ZFPM2: variants seen among roughly 807,000 people sequenced by gnomAD.
The protein encoded by ZFPM2 is zinc finger protein, FOG family member 2, also known as zinc finger protein ZFPM2.
ZFPM2 carries 20 observed loss-of-function variants against 98.6 expected under a neutral mutation model. That is an observed-to-expected ratio of 0.20 (90% CI 0.14 to 0.29). The LOEUF (loss-of-function observed/expected upper bound fraction) is 0.29. Ranked by LOEUF, ZFPM2 falls within the 10% of genes least tolerant of loss-of-function variation. ZFPM2 has a pLI of 1.00. For missense variants in ZFPM2, 1,310 were observed against 1,388.6 expected, an observed-to-expected ratio of 0.94 and a Z score of 0.90; for synonymous variants, 518 against 502.7, an observed-to-expected ratio of 1.03 and a Z score of -0.41.
chr8:105,420,667 T>A (rs1423132597), intron 2 of ZFPM2, among the ~76,000 whole-genome samples: 1 of 152,176 alleles, frequency 6.6e-6, no homozygotes, highest in African/African-American at 2.4e-5. Flanking sequence ...GCTAGAACCA[T>A]TAAATTGATG....
At chr8:105,437,986 T>C (rs1366756959) in intron 2 of ZFPM2, among the ~76,000 whole-genome samples, 3 of 152,140 alleles carry the variant, frequency 2.0e-5, no homozygotes, top group African/African-American at 7.2e-5. Flanking sequence ...GAGGTTGCAG[T>C]GAGCCGAGAT....
chr8:105,651,504 T>G (rs1817175284), intron 5 of ZFPM2, among the ~76,000 whole-genome samples: 1 of 151,826 alleles, frequency 6.6e-6, no homozygotes, highest in Non-Finnish European at 1.5e-5. Context: ...CTTGCTTGCT[T>G]ATATCTACCC....
At chr8:105,403,830 G>A (rs568773699) in intron 1 of ZFPM2, among the ~76,000 whole-genome samples, 2 of 152,146 alleles carry the variant, frequency 1.3e-5, no homozygotes, top group South Asian at 4.1e-4. Flanking sequence ...CGTCTAGCGT[G>A]ATTCCTGGCC....
At chr8:105,622,907 A>T (rs1397506479) in intron 4 of ZFPM2, among the ~76,000 whole-genome samples, 1 of 152,168 alleles carries the variant, frequency 6.6e-6, no homozygotes, top group Non-Finnish European at 1.5e-5. Flanking sequence ...CCAAATATAC[A>T]GTTTTTCTTT....
intron 1 of ZFPM2, among the ~76,000 whole-genome samples, chr8:105,403,376 G>T (rs1811377688): frequency 6.6e-6 from 1 of 151,866 alleles, no homozygotes; most frequent in Non-Finnish European, 1.5e-5. Flanking sequence ...TTCTCATGCT[G>T]TTTGTCATAA....
intron 4 of ZFPM2, among the ~76,000 whole-genome samples, chr8:105,618,155 A>G (rs1816459362): frequency 6.6e-6 from 1 of 152,196 alleles, no homozygotes; most frequent in South Asian, 2.1e-4. Context: ...AGAAACTGCT[A>G]ACCACTGACT....
At chr8:105,526,540 T>C (rs1814178000) in intron 3 of ZFPM2, among the ~76,000 whole-genome samples, 1 of 152,180 alleles carries the variant, frequency 6.6e-6, no homozygotes, top group Non-Finnish European at 1.5e-5. Context: ...GCCTCTTTGA[T>C]TTTTTAAATT....
intron 6 of ZFPM2, among the ~76,000 whole-genome samples, chr8:105,793,044 G>T (rs1016652597): frequency 4.8e-5 from 7 of 145,392 alleles, no homozygotes; most frequent in Admixed American, 4.7e-4. Context: ...TATCCAATTT[G>T]CCAGTCTGTG....
chr8:105,551,194 A>G (rs1271288629), intron 3 of ZFPM2, among the ~76,000 whole-genome samples: 1 of 152,218 alleles, frequency 6.6e-6, no homozygotes, highest in African/African-American at 2.4e-5. Context: ...GCCACACTGT[A>G]AGAGAATTTA....
At chr8:105,789,040 C>T in intron 6 of ZFPM2, 116 bp downstream of exon 6, 3 of 770,014 alleles carry the variant, frequency 3.9e-6, no homozygotes, top group Non-Finnish European at 5.8e-6. Flanking sequence ...GTTGTGGTTT[C>T]ATTTTATCTT....
chr8:105,694,916 T>C (rs1028592180), intron 5 of ZFPM2, among the ~76,000 whole-genome samples: 23 of 152,318 alleles, frequency 1.5e-4, no homozygotes, highest in East Asian at 5.8e-4. Context: ...ATGACTGTTA[T>C]TGAGAATTGA....
chr8:105,584,613 A>ATGTGTT (rs373990155), intron 4 of ZFPM2, among the ~76,000 whole-genome samples: 3 of 152,304 alleles, frequency 2.0e-5, no homozygotes, highest in African/African-American at 7.2e-5. Context: ...ATAAGTCTTT[A>ATGTGTT]TGTGTTTGTG....
At chr8:105,692,930 A>G (rs1450046909) in intron 5 of ZFPM2, among the ~76,000 whole-genome samples, 1 of 152,204 alleles carries the variant, frequency 6.6e-6, no homozygotes, top group Non-Finnish European at 1.5e-5. Flanking sequence ...CAGAGCAATG[A>G]CATTTTTTAA....
chr8:105,799,053 CTA>C, intron 7 of ZFPM2, 105 bp downstream of exon 7: 1 of 1,063,152 alleles, frequency 9.4e-7, no homozygotes, highest in Non-Finnish European at 1.3e-6. Flanking sequence ...CTGTAGCTAT[CTA>C]TAACATCAAA....
intron 5 of ZFPM2, among the ~76,000 whole-genome samples, chr8:105,745,731 T>G (rs1197168741): frequency 3.3e-5 from 5 of 152,126 alleles, no homozygotes; most frequent in African/African-American, 1.2e-4. Flanking sequence ...GGCAGTTCCT[T>G]CTGCTGAGTT....
intron 5 of ZFPM2, among the ~76,000 whole-genome samples, chr8:105,730,776 CTTT>C (rs201573898): frequency 1.4e-4 from 18 of 124,384 alleles, no homozygotes; most frequent in African/African-American, 4.6e-4. Flanking sequence ...TTTCTTTTTT[CTTT>C]TTTTTTTTTT....
chr8:105,756,357 T>C (rs752933673), intron 5 of ZFPM2, among the ~76,000 whole-genome samples: 3 of 152,220 alleles, frequency 2.0e-5, no homozygotes, highest in Non-Finnish European at 2.9e-5. Context: ...AAATTGCTTG[T>C]ACATTACACA....
chr8:105,470,984 C>G (rs549143151), intron 3 of ZFPM2, among the ~76,000 whole-genome samples: 2 of 152,202 alleles, frequency 1.3e-5, no homozygotes, highest in East Asian at 3.9e-4. Context: ...ATGTTCATTA[C>G]TCCTACTCCA....
chr8:105,793,466 G>T (rs996291337), intron 6 of ZFPM2, among the ~76,000 whole-genome samples: 6 of 152,300 alleles, frequency 3.9e-5, no homozygotes, highest in African/African-American at 1.4e-4. Flanking sequence ...CTGTTAGTCT[G>T]ATGGGCTTCC....
Sources: gnomAD v4.1 joint callset for allele counts (sites outside exome capture counted in the v4.1 genomes callset) on GRCh38, gnomAD v4.1.1 for gene constraint, MANE v1.5 for transcripts, NCBI Gene and HGNC (gene_info 2026-07-23, HGNC 2026-07-21) for gene names.